The following PCDH15 variants were observed in gnomAD, a reference collection of about 807,000 sequenced individuals.
PCDH15 encodes the protein protocadherin related 15, also known as protocadherin-15.
A neutral mutation model predicts 178.5 loss-of-function variants in PCDH15; 129 were observed. That is an observed-to-expected ratio of 0.72 (90% CI 0.63 to 0.84). The LOEUF is 0.84. Among genes scored for constraint, PCDH15 ranks in the 40% least tolerant of loss-of-function variants. The pLI is 0.00. For synonymous variants in PCDH15, 800 were observed against 732.0 expected, an observed-to-expected ratio of 1.09 and a Z score of -1.50; for missense variants, 2,230 against 2,099.9, an observed-to-expected ratio of 1.06 and a Z score of -1.21.
At chr10:54,987,524 C>T (rs1157627294) in intron 2 of PCDH15, among the ~76,000 whole-genome samples, 1 of 152,112 alleles carries the variant, frequency 6.6e-6, no homozygotes, top group Non-Finnish European at 1.5e-5. Context: ...TCACCAGCAT[C>T]TATATTTTTC....
intron 2 of PCDH15, among the ~76,000 whole-genome samples, chr10:55,079,301 T>G (rs1841982229): frequency 6.6e-6 from 1 of 152,192 alleles, no homozygotes; most frequent in Non-Finnish European, 1.5e-5. Context: ...TGTAGGGTCA[T>G]TTAGCTTTGA....
chr10:55,614,237 C>T (rs1052423860), intron 2 of PCDH15, among the ~76,000 whole-genome samples: 1 of 152,026 alleles, frequency 6.6e-6, no homozygotes, highest in African/African-American at 2.4e-5. Context: ...TAAACTCAAT[C>T]TCTGAACCGA....
intron 2 of PCDH15, among the ~76,000 whole-genome samples, chr10:55,347,478 T>C (rs537573321): frequency 6.6e-6 from 1 of 152,292 alleles, no homozygotes; most frequent in Admixed American, 6.5e-5. Context: ...CCATAAATTA[T>C]ACACACACAA....
chr10:54,700,576 C>T (rs967774958), intron 1 of PCDH15, among the ~76,000 whole-genome samples: 1 of 152,038 alleles, frequency 6.6e-6, no homozygotes, highest in African/African-American at 2.4e-5. Flanking sequence ...AATACAATTG[C>T]AAGTATCAAC....
intron 11 of PCDH15, among the ~76,000 whole-genome samples, chr10:54,192,452 C>G (rs1201409732): frequency 6.6e-6 from 1 of 151,920 alleles, no homozygotes; most frequent in Non-Finnish European, 1.5e-5. Context: ...ATAGGAAGAT[C>G]TGGAAGATTT....
At chr10:55,116,310 G>A (rs1261781092) in intron 2 of PCDH15, among the ~76,000 whole-genome samples, 1 of 152,020 alleles carries the variant, frequency 6.6e-6, no homozygotes, top group Non-Finnish European at 1.5e-5. Context: ...AACCAGGCAT[G>A]CTATTTTCTT....
intron 10 of PCDH15, among the ~76,000 whole-genome samples, chr10:54,207,416 ATTAT>A (rs1389953798): frequency 4.0e-5 from 6 of 149,228 alleles, no homozygotes; most frequent in African/African-American, 7.5e-5. Flanking sequence ...GTGTTTTGGT[ATTAT>A]TTATTATTTC....
At chr10:55,534,450 A>G (rs1841527053) in intron 2 of PCDH15, among the ~76,000 whole-genome samples, 1 of 151,880 alleles carries the variant, frequency 6.6e-6, no homozygotes. Flanking sequence ...TATACAGGTG[A>G]CCATCAAACA....
At chr10:55,249,500 A>G (rs1471633533) in intron 1 of PCDH15, among the ~76,000 whole-genome samples, 1 of 152,196 alleles carries the variant, frequency 6.6e-6, no homozygotes, top group African/African-American at 2.4e-5. Flanking sequence ...TAGCCAACCA[A>G]GAGTTAATGT....
intron 2 of PCDH15, among the ~76,000 whole-genome samples, chr10:55,522,619 T>C (rs1178120240): frequency 6.6e-6 from 1 of 151,806 alleles, no homozygotes; most frequent in Non-Finnish European, 1.5e-5. Flanking sequence ...TTTAGTTTTA[T>C]ATAAGTATAG....
At chr10:54,925,138 G>A (rs1591787219) in intron 2 of PCDH15, among the ~76,000 whole-genome samples, 1 of 152,112 alleles carries the variant, frequency 6.6e-6, no homozygotes, top group African/African-American at 2.4e-5. Context: ...TAAGGAAGGA[G>A]TCCAGGTTTA....
At chr10:53,911,895 G>GA (rs2083121787) in intron 25 of PCDH15, among the ~76,000 whole-genome samples, 1 of 152,122 alleles carries the variant, frequency 6.6e-6, no homozygotes, top group African/African-American at 2.4e-5. Flanking sequence ...CATTCCTTCT[G>GA]AAAATATTCC....
chr10:55,055,852 T>G (rs1841285857), intron 2 of PCDH15, among the ~76,000 whole-genome samples: 1 of 151,812 alleles, frequency 6.6e-6, no homozygotes, highest in African/African-American at 2.4e-5. Context: ...GAAAGGAGGG[T>G]GGCTCAGAAA....
intron 25 of PCDH15, among the ~76,000 whole-genome samples, chr10:53,920,173 G>A (rs2133867773): frequency 6.6e-6 from 1 of 152,114 alleles, no homozygotes; most frequent in East Asian, 1.9e-4. Context: ...GAATACAAGG[G>A]CCTGCTTTCT....
chr10:55,498,639 TA>T (rs1473453614), intron 2 of PCDH15, among the ~76,000 whole-genome samples: 1 of 151,864 alleles, frequency 6.6e-6, no homozygotes, highest in Non-Finnish European at 1.5e-5. Context: ...ATATGCTCAG[TA>T]CTATATAAGT....
chr10:55,282,404 C>T (rs538697965), intron 1 of PCDH15, among the ~76,000 whole-genome samples: 1 of 152,294 alleles, frequency 6.6e-6, no homozygotes, highest in East Asian at 1.9e-4. Flanking sequence ...CTACTCATGA[C>T]TGGATCTATT....
At chr10:54,731,545 G>GATATATATATATATAT (rs1167781763) in intron 1 of PCDH15, among the ~76,000 whole-genome samples, 16 of 80,288 alleles carry the variant, frequency 2.0e-4, no homozygotes, top group South Asian at 5.2e-4. Context: ...ATGTGAGATA[G>GATATATATATATATAT]ATATATATAT....
intron 5 of PCDH15, among the ~76,000 whole-genome samples, chr10:54,366,714 T>C (rs898822135): frequency 6.6e-6 from 1 of 151,664 alleles, no homozygotes; most frequent in Non-Finnish European, 1.5e-5. Context: ...TTAAATGCAC[T>C]GTTTTTTTTT....
chr10:54,533,803 TA>T (rs1224004044), intron 2 of PCDH15, among the ~76,000 whole-genome samples: 1 of 152,176 alleles, frequency 6.6e-6, no homozygotes, highest in Non-Finnish European at 1.5e-5. Context: ...ACAAAATGAA[TA>T]ATCCATCAAA....
Sources: allele counts gnomAD v4.1 joint callset (sites outside exome capture counted in the v4.1 genomes callset), GRCh38; gene constraint gnomAD v4.1.1; transcripts MANE v1.5; gene names NCBI Gene and HGNC (gene_info 2026-07-23, HGNC 2026-07-21).